The following PLIN1 variants were observed in gnomAD, a reference collection of about 807,000 sequenced individuals.
The protein encoded by PLIN1 is perilipin 1, also known as perilipin-1.
A neutral mutation model predicts 45.8 loss-of-function variants in PLIN1; 37 were observed. The observed-to-expected ratio is 0.81, with a 90% CI of 0.62 to 1.06. The LOEUF is 1.06. Among genes scored for constraint, PLIN1 ranks in the 50% least tolerant of loss-of-function variants. PLIN1 has a pLI of 0.00. For missense variants in PLIN1, 776 were observed against 716.5 expected, an observed-to-expected ratio of 1.08 and a Z score of -0.95; for synonymous variants, 340 against 309.2, an observed-to-expected ratio of 1.10 and a Z score of -1.05.
chr15:89,667,813 G>A lies in PLIN1; in HGVS notation c.772-20C>T, dbSNP rs1157401089. 5 of 1,548,234 alleles carry A rather than the reference G, an allele frequency of 3.2e-6. No individual in the cohort carries two copies. In the East Asian group the frequency reaches 9.7e-5, roughly 30 times the overall value. On this transcript the variant is annotated intron_variant, in intron 6 of 8. Coordinates refer to ENST00000300055, the MANE Select transcript of PLIN1 (RefSeq NM_002666.5). Reference sequence around the variant, plus strand: ...GCTGCTCTGAGGGAGGATGGCAGCAGATAGCTGGCTCAACTGCCCCTGCTG... The same window carrying A: ...GCTGCTCTGAGGGAGGATGGCAGCAAATAGCTGGCTCAACTGCCCCTGCTG...
rs1324155263 is a variant in PLIN1 at position 89,665,593 on chromosome 15, T to C, written c.1559A>G (p.Lys520Arg). 6.5e-7 allele frequency: 1 copy of C among 1,526,840 alleles called. No individual in the cohort carries two copies. Among genetic ancestry groups the C allele is most frequent in the Non-Finnish European group, 8.8e-7 (1 of 1,138,728 alleles). 94.6% of individuals were successfully genotyped at this position (1,526,840 alleles called of 1,614,324 possible). ...LGRTHYSQLR[K>R]KS ...GGCTGGTGCGGCGACTCAGCTCTTCTTGCGCAGCTGGCTGTAATGCGTGCG... is the reference window on the plus strand; with the variant it reads ...GGCTGGTGCGGCGACTCAGCTCTTCCTGCGCAGCTGGCTGTAATGCGTGCG... The change falls in exon 9 of 9, where the codon AAG becomes AGG. Residue 520 changes from lysine (K) to arginine (R), a missense_variant. Coordinates refer to ENST00000300055, the MANE Select transcript of PLIN1 (RefSeq NM_002666.5).
rs1338973624 is a variant in PLIN1, at chr15:89,665,617, C to A, written c.1535G>T (p.Arg512Leu). ...RPSVMEPILG[R>L]THYSQLRKKS ...CTTGCGCAGCTGGCTGTAATGCGTG[C>A]GGCCCAGGATGGGCTCCATGACGCT... The change falls in exon 9 of 9, where the codon CGC becomes CTC. Residue 512 changes from arginine to leucine, a missense_variant. By Grantham distance (102) the Arg-to-Leu change is moderately radical. Transcript: ENST00000300055. The A allele has an allele frequency of 3.5e-5, 54 of 1,527,504 alleles. No homozygotes were observed. The highest frequency in any genetic ancestry group is 4.7e-5 in the Non-Finnish European group (54 of 1,139,780). 94.6% of individuals were successfully genotyped at this position (1,527,504 alleles called of 1,614,324 possible). A position where few individuals can be genotyped will look rare whatever the true frequency, so the allele number is the denominator to read the frequency against.
At position 89,665,694 on chromosome 15, in the gene PLIN1, G is replaced by C. The variant is rs1205589967; in HGVS notation, c.1458C>G (p.Ala486=). ...TGCGCTTTGGCTTCTCGCGGGGCAC[G>C]GCCGGGAAGCCCGGGCGCGGCGCTG... ...TPAAPRPGFP[A]VPREKPKRRV... The change falls in exon 9 of 9, where the codon GCC becomes GCG. Residue 486 remains alanine, a synonymous_variant. Coordinates refer to ENST00000300055, the MANE Select transcript of PLIN1 (RefSeq NM_002666.5). 5.4e-6 allele frequency: 8 copies of C among 1,473,698 alleles called. No homozygotes were observed. Among genetic ancestry groups the C allele is most frequent in the Non-Finnish European group, 7.2e-6 (8 of 1,115,906 alleles). The allele number at this position is 1,473,698 out of a possible 1,614,324, so 91.3% of individuals were successfully genotyped here.
At chr15:89,676,614 C>T (rs912584098) in intron 2 of PLIN1, 1 of 152,144 alleles carries the variant, frequency 6.6e-6, no homozygotes, top group Admixed American at 6.5e-5. Context: ...TGACTATAAA[C>T]AAGAAAACAT....
intron 7 of PLIN1, among the ~76,000 whole-genome samples, 185 bp downstream of exon 7, chr15:89,667,417 G>A (rs527849679): frequency 1.3e-5 from 2 of 152,358 alleles, no homozygotes; most frequent in South Asian, 4.1e-4. Flanking sequence ...AGTGTTGCAA[G>A]GGTCAGCTGA....
At chr15:89,672,776 C>A (rs907909524) in intron 3 of PLIN1, among the ~76,000 whole-genome samples, 26 of 152,218 alleles carry the variant, frequency 1.7e-4, no homozygotes, top group African/African-American at 6.0e-4. Context: ...CTGGGCTCAG[C>A]CAGCTTTCCC....
Position 89,673,249 on chromosome 15 carries a change from A to G in PLIN1, c.211T>C (p.Trp71Arg), listed in dbSNP as rs756105789. The G allele has an allele frequency of 1.3e-6, 2 of 1,578,874 alleles. No homozygotes were observed. Among genetic ancestry groups the G allele is most frequent in the Non-Finnish European group, 1.7e-6 (2 of 1,161,054 alleles). ...CTGCGGACCACCGGCTCCATGCTCCAGGCAGCCAAGCTACTGGCGCTCTGC... is the reference window on the plus strand; with the variant it reads ...CTGCGGACCACCGGCTCCATGCTCCGGGCAGCCAAGCTACTGGCGCTCTGC... ...GVQSASSLAA[W>R]SMEPVVRRLS... Residue 71 changes from tryptophan to arginine, a missense_variant, in exon 3 of 9, where the codon TGG (tryptophan) becomes CGG (arginine). Transcript: ENST00000300055.
At chr15:89,667,292 T>C in intron 7 of PLIN1, 111 bp from the exon 8 acceptor site, 1 of 1,413,586 alleles carries the variant, frequency 7.1e-7, no homozygotes, top group Admixed American at 1.8e-5. Context: ...TTTACAAAAC[T>C]TCAGGCCTAT....
In PLIN1 at chr15:89,673,344, T is replaced by A; in HGVS notation, c.116A>T (p.Lys39Met). 4 of 1,601,470 alleles carry A rather than the reference T, an allele frequency of 2.5e-6. No individual in the cohort carries two copies. The highest frequency in any genetic ancestry group is 3.4e-6 in the Non-Finnish European group (4 of 1,173,714). Residue 39 changes from lysine (K) to methionine (M), a missense_variant, in exon 3 of 9, where the codon AAG becomes ATG. Lys to Met is a moderately conservative substitution (Grantham distance 95, BLOSUM62 -1). Transcript: ENST00000300055. ...GGCTTCCTTAGTGCTGGTGTAGGTC[T>A]TCTGGAAGCATTCGCAGGTGCCACT... The part of the protein sequence containing the change: ...VVSGTCECFQ[K>M]TYTSTKEAHP...
rs751848040 is a variant in PLIN1, at chr15:89,667,732, T to TCGCTCCTC, written c.825_832dup (p.Glu278GlyfsTer48). The TCGCTCCTC allele has an allele frequency of 1.3e-6, 2 of 1,571,046 alleles. No individual in the cohort carries two copies. Among genetic ancestry groups the TCGCTCCTC allele is most frequent in the African/African-American group, 2.7e-5 (2 of 74,136 alleles). The stretch of plus-strand genomic sequence containing the variant: ...GCTGTGCAGCCAGGGTACCCGCACT[T>TCGCTCCTC]CGCTCCTCCGCCGGGACACCGCCTG... On this transcript the variant is annotated frameshift_variant, in exon 7 of 9. Transcript: ENST00000300055. LOFTEE classifies it high-confidence loss of function.
At chr15:89,666,848 G>A in intron 8 of PLIN1, 88 bp downstream of exon 8, 1 of 1,451,616 alleles carries the variant, frequency 6.9e-7, no homozygotes, top group South Asian at 1.2e-5. Context: ...GAAAGGAGGG[G>A]GACTGCAGCC....
Position 89,665,410 on chromosome 15 carries a change from A to T in PLIN1, c.*173T>A, listed in dbSNP as rs1422217557. 8.3e-6 allele frequency: 4 copies of T among 483,974 alleles called. No homozygotes were observed. Among genetic ancestry groups the T allele is most frequent in the South Asian group, 6.6e-5 (1 of 15,194 alleles). 30.0% of individuals were successfully genotyped at this position (483,974 alleles called of 1,614,324 possible). A position where few individuals can be genotyped will look rare whatever the true frequency, so the allele number is the denominator to read the frequency against. On this transcript the variant is annotated 3_prime_UTR_variant, in exon 9 of 9. Coordinates refer to ENST00000300055, the MANE Select transcript of PLIN1 (RefSeq NM_002666.5). Reference sequence around the variant, plus strand: ...GTGAAGCCCCAAAAGGATGCTAAAAAAAAAATAAAAATAAAATAAAAATAA... The same window carrying T: ...GTGAAGCCCCAAAAGGATGCTAAAATAAAAATAAAAATAAAATAAAAATAA...
intron 2 of PLIN1, 27 bp downstream of exon 2, chr15:89,677,418 T>C (rs1166981572): frequency 1.3e-6 from 2 of 1,596,616 alleles, no homozygotes; most frequent in South Asian, 1.1e-5. Context: ...GTCCATCCCC[T>C]GTCACAGATG....
chr15:89,677,444 C>G lies in PLIN1; in HGVS notation c.45+1G>C. The G allele has an allele frequency of 6.2e-7, 1 of 1,613,176 alleles. No individual in the cohort carries two copies. On this transcript the variant is annotated splice_donor_variant, in intron 2 of 8. Coordinates refer to ENST00000300055, the MANE Select transcript of PLIN1 (RefSeq NM_002666.5). LOFTEE classifies it high-confidence loss of function. ...GTCACAGATGAGCCCAAGTTACTTACAGGGAGGTCTCCATCCAGCAAGGTG... is the reference window on the plus strand; with the variant it reads ...GTCACAGATGAGCCCAAGTTACTTAGAGGGAGGTCTCCATCCAGCAAGGTG...
At chr15:89,668,907 C>T (rs1305683578) in intron 6 of PLIN1, among the ~76,000 whole-genome samples, 2 of 152,160 alleles carry the variant, frequency 1.3e-5, no homozygotes, top group African/African-American at 4.8e-5. Flanking sequence ...TCTTTTCTGG[C>T]CTTAGTTTCT....
intron 2 of PLIN1, chr15:89,676,852 A>G (rs1964527042): frequency 6.3e-6 from 1 of 157,780 alleles, no homozygotes. Flanking sequence ...ACAGGTTCAT[A>G]ATTTTTAAGT....
intron 2 of PLIN1, among the ~76,000 whole-genome samples, chr15:89,676,062 C>T (rs368838710): frequency 7.4e-6 from 1 of 136,040 alleles, no homozygotes; most frequent in Non-Finnish European, 1.6e-5. Context: ...GAAAAAAAAA[C>T]CCAGGTCAGA....
intron 4 of PLIN1, among the ~76,000 whole-genome samples, chr15:89,670,892 T>C (rs544101440): frequency 6.6e-6 from 1 of 152,122 alleles, no homozygotes; most frequent in Non-Finnish European, 1.5e-5. Context: ...AAAGCATAGG[T>C]GATGGCCCCG....
chr15:89,665,792 G>C lies in PLIN1; in HGVS notation c.1360C>G (p.Arg454Gly). ...EPAPRLAQPR[R>G]SLRSAQSPGA... is the part of the protein sequence containing the mutation. ...GGGCTCTGCGCGCTGCGCAGGCTGC[G>C]GCGGGGCTGTGCGAGACGCGGGGCG... The change falls in exon 9 of 9, where the codon CGC (arginine) becomes GGC (glycine). Residue 454 changes from arginine (R) to glycine (G), a missense_variant. Arg to Gly is a moderately radical substitution (Grantham distance 125, BLOSUM62 -2). Coordinates refer to ENST00000300055, the MANE Select transcript of PLIN1 (RefSeq NM_002666.5). The C allele has an allele frequency of 7.7e-7, 1 of 1,300,054 alleles. No individual in the cohort carries two copies. The highest frequency in any genetic ancestry group is 9.7e-7 in the Non-Finnish European group (1 of 1,027,348). 80.5% of individuals were successfully genotyped at this position (1,300,054 alleles called of 1,614,324 possible).
Sources: gnomAD v4.1 joint callset for allele counts (sites outside exome capture counted in the v4.1 genomes callset) on GRCh38, gnomAD v4.1.1 for gene constraint, MANE v1.5 for transcripts, NCBI Gene and HGNC (gene_info 2026-07-23, HGNC 2026-07-21) for gene names.